Variants in NPAS3 observed in about 807,000 individuals in gnomAD.
The protein encoded by NPAS3 is neuronal PAS domain protein 3.
Under a neutral mutation model 73.1 loss-of-function variants are expected in NPAS3, and 14 were observed. That is an observed-to-expected ratio of 0.19 (90% CI 0.13 to 0.30). The LOEUF is 0.30. Among genes scored for constraint, NPAS3 ranks in the 10% least tolerant of loss-of-function variants. NPAS3 has a pLI of 1.00. For missense variants in NPAS3, 1,096 were observed against 1,250.0 expected (o/e 0.88, Z 1.86); for synonymous variants, 620 against 541.5 (o/e 1.14, Z -2.01).
At chr14:33,706,221 T>C (rs978229784) in intron 6 of NPAS3, among the ~76,000 whole-genome samples, 21 of 152,214 alleles carry the variant, frequency 1.4e-4, no homozygotes, top group Admixed American at 5.2e-4. Context: ...GGTTTCTGTA[T>C]GTAAGCAGAG....
intron 4 of NPAS3, among the ~76,000 whole-genome samples, chr14:33,389,030 A>C (rs2046892237): frequency 6.6e-6 from 1 of 152,150 alleles, no homozygotes; most frequent in Non-Finnish European, 1.5e-5. Flanking sequence ...ATAGACTCTC[A>C]AGCTTTACAG....
At chr14:33,740,688 G>C (rs1244986109) in intron 7 of NPAS3, among the ~76,000 whole-genome samples, 1 of 152,140 alleles carries the variant, frequency 6.6e-6, no homozygotes, top group African/African-American at 2.4e-5. Context: ...GAAACATACT[G>C]GGTCCATAGT....
intron 2 of NPAS3, among the ~76,000 whole-genome samples, chr14:33,083,107 T>C (rs1595403242): frequency 7.6e-6 from 1 of 132,318 alleles, no homozygotes; most frequent in Admixed American, 9.2e-5. Flanking sequence ...CATTTCAACC[T>C]GGGAGACAGA....
chr14:33,662,762 G>T (rs890118795), intron 5 of NPAS3, among the ~76,000 whole-genome samples: 1 of 151,850 alleles, frequency 6.6e-6, no homozygotes, highest in Non-Finnish European at 1.5e-5. Context: ...TCTATTATTG[G>T]TGTATAGGAA....
At chr14:33,125,111 T>C (rs544128667) in intron 2 of NPAS3, among the ~76,000 whole-genome samples, 1 of 152,222 alleles carries the variant, frequency 6.6e-6, no homozygotes, top group East Asian at 1.9e-4. Context: ...GCAGGGACTT[T>C]TATCTTCTTC....
intron 6 of NPAS3, among the ~76,000 whole-genome samples, chr14:33,731,940 A>C (rs1036168968): frequency 2.0e-5 from 3 of 152,108 alleles, no homozygotes; most frequent in Non-Finnish European, 4.4e-5. Flanking sequence ...AGCTGGGCGC[A>C]ACTGGGCTTT....
Position 33,462,291 on chromosome 14 carries a change from G to A in NPAS3, c.468+95023G>A, listed in dbSNP as rs140074303. ...GGCACGAGACCAGCTAATCCCCCCA[G>A]CACTATGATAGTCATTATTGCTGCT... On this transcript the variant is annotated intron_variant, in intron 4 of 11. Transcript: ENST00000356141. 4.5e-3 allele frequency among the ~76,000 whole-genome samples: 678 copies of A among 152,250 alleles called. 2 individuals carry two copies. Among genetic ancestry groups the A allele is most frequent in the Admixed American group, 7.0e-3 (107 of 15,282 alleles).
At chr14:33,296,432 T>G (rs2042302606) in intron 3 of NPAS3, among the ~76,000 whole-genome samples, 2 of 152,230 alleles carry the variant, frequency 1.3e-5, no homozygotes, top group South Asian at 4.1e-4. Flanking sequence ...CTTCCATGCC[T>G]ATCTATCTGT....
intron 2 of NPAS3, among the ~76,000 whole-genome samples, chr14:33,069,599 T>C (rs913971008): frequency 2.0e-5 from 3 of 152,194 alleles, no homozygotes; most frequent in African/African-American, 7.2e-5. Context: ...GTTTCCCACC[T>C]TTCTCATTTG....
intron 5 of NPAS3, among the ~76,000 whole-genome samples, chr14:33,670,884 TTAAC>T (rs2059592965): frequency 1.4e-5 from 2 of 142,912 alleles, no homozygotes; most frequent in African/African-American, 2.5e-5. Context: ...GAGAAAGAGA[TTAAC>T]TAAGAGCCCT....
At chr14:33,441,906 C>G (rs1307119085) in intron 4 of NPAS3, among the ~76,000 whole-genome samples, 1 of 152,142 alleles carries the variant, frequency 6.6e-6, no homozygotes. Context: ...AAGACCCTCC[C>G]CCATGATTCA....
In NPAS3 at chr14:33,800,364, C is replaced by T; in HGVS notation, c.2057C>T (p.Pro686Leu). 2 of 1,611,820 alleles carry T rather than the reference C, an allele frequency of 1.2e-6. No individual in the cohort carries two copies. The highest frequency in any genetic ancestry group is 1.7e-6 in the Non-Finnish European group (2 of 1,179,204). ...TCCCCCTACAGCATGACCAAGCCCCCCAGCTCTGAGCACTTCCCGTCCCCG... is the reference window on the plus strand; with the variant it reads ...TCCCCCTACAGCATGACCAAGCCCCTCAGCTCTGAGCACTTCCCGTCCCCG... Residue 686 changes from proline to leucine, a missense_variant, in exon 12 of 12, where the codon CCC becomes CTC. Transcript: ENST00000356141. The surrounding 1 kb of genome is among the most constrained non-coding windows in gnomAD (Gnocchi z 6.5).
chr14:33,147,306 C>T (rs2044269747), intron 2 of NPAS3, among the ~76,000 whole-genome samples: 3 of 152,086 alleles, frequency 2.0e-5, no homozygotes, highest in Non-Finnish European at 2.9e-5. Context: ...ATCAACTGTT[C>T]TTTACAGGTC....
intron 6 of NPAS3, among the ~76,000 whole-genome samples, chr14:33,684,748 G>A (rs144355686): frequency 6.7e-4 from 102 of 152,278 alleles, no homozygotes; most frequent in African/African-American, 1.9e-3. Flanking sequence ...AACATCACCC[G>A]TGTACACTTG....
At chr14:32,987,263 AT>A (rs1394664942) in intron 1 of NPAS3, among the ~76,000 whole-genome samples, 1 of 147,832 alleles carries the variant, frequency 6.8e-6, no homozygotes, top group African/African-American at 2.5e-5. Context: ...GGTCTTAGCA[AT>A]TTCCCTTCTC....
At chr14:33,533,652 TG>T (rs2054135406) in intron 4 of NPAS3, among the ~76,000 whole-genome samples, 1 of 152,310 alleles carries the variant, frequency 6.6e-6, no homozygotes, top group South Asian at 2.1e-4. Context: ...ATTGTGGCAT[TG>T]CTTCTAATTG....
intron 3 of NPAS3, among the ~76,000 whole-genome samples, chr14:33,222,336 A>G (rs1247871317): frequency 6.6e-6 from 1 of 152,198 alleles, no homozygotes; most frequent in Non-Finnish European, 1.5e-5. Context: ...GTCAGAGAGA[A>G]TATCTTTTTA....
intron 1 of NPAS3, among the ~76,000 whole-genome samples, chr14:32,996,545 C>T (rs964922490): frequency 6.6e-6 from 1 of 152,142 alleles, no homozygotes; most frequent in Admixed American, 6.5e-5. Context: ...TGTGTGCAGC[C>T]TTGGGATGTG....
intron 4 of NPAS3, among the ~76,000 whole-genome samples, chr14:33,467,746 A>G (rs866228526): frequency 1.3e-5 from 2 of 152,272 alleles, no homozygotes; most frequent in Non-Finnish European, 1.5e-5. Context: ...CAGGGCTCGG[A>G]GGCCTCAGAA....
Sources: gnomAD v4.1 joint callset for allele counts (sites outside exome capture counted in the v4.1 genomes callset) on GRCh38, gnomAD v4.1.1 for gene constraint, Gnocchi (gnomAD v3.1) non-coding constraint, MANE v1.5 for transcripts, NCBI Gene and HGNC (gene_info 2026-07-23, HGNC 2026-07-21) for gene names.